The following SPAG16 variants were observed in gnomAD, a reference collection of about 807,000 sequenced individuals.
SPAG16 encodes the protein sperm-associated antigen 16 protein.
Under a neutral mutation model 80.4 loss-of-function variants are expected in SPAG16, and 86 were observed. The ratio of observed to expected loss-of-function variants is 1.07; its 90% CI spans 0.90 to 1.28. The LOEUF (loss-of-function observed/expected upper bound fraction) is 1.28, where lower values mean the gene tolerates loss of function less well. Among genes scored for constraint, SPAG16 ranks in the 50% most tolerant of loss-of-function variants. The probability of loss-of-function intolerance (pLI) is 0.00; values close to 1 mark genes in which losing one functional copy is unlikely to be tolerated. For synonymous variants in SPAG16, 294 were observed against 265.9 expected (o/e 1.11, Z -1.03); for missense variants, 870 against 765.3 (o/e 1.14, Z -1.61).
At chr2:213,596,750 C>T (rs1237677679) in intron 10 of SPAG16, among the ~76,000 whole-genome samples, 1 of 152,098 alleles carries the variant, frequency 6.6e-6, no homozygotes, top group East Asian at 1.9e-4. Context: ...TCAGTATACA[C>T]CAATTGTAGA....
intron 11 of SPAG16, among the ~76,000 whole-genome samples, chr2:213,928,893 G>A (rs779570941): frequency 2.3e-4 from 25 of 106,890 alleles, no homozygotes; most frequent in Non-Finnish European, 3.9e-4. Flanking sequence ...AAATTTTCTT[G>A]CAGCTGATGT....
chr2:214,318,926 G>A (rs113637538), intron 15 of SPAG16, among the ~76,000 whole-genome samples: 1 of 152,242 alleles, frequency 6.6e-6, no homozygotes, highest in Non-Finnish European at 1.5e-5. Flanking sequence ...GCAACTAAAA[G>A]ATGCTACCCT....
chr2:214,171,778 G>A (rs1304591441), intron 15 of SPAG16, among the ~76,000 whole-genome samples: 1 of 151,872 alleles, frequency 6.6e-6, no homozygotes, highest in Non-Finnish European at 1.5e-5. Context: ...TGATACTGGT[G>A]CATCAAGTAT....
intron 10 of SPAG16, among the ~76,000 whole-genome samples, chr2:213,793,120 G>A (rs1287276323): frequency 6.6e-6 from 1 of 151,794 alleles, no homozygotes; most frequent in Non-Finnish European, 1.5e-5. Flanking sequence ...TACAGACGGG[G>A]TTTCACCATG....
intron 10 of SPAG16, among the ~76,000 whole-genome samples, chr2:213,697,769 T>C (rs1304589126): frequency 6.6e-6 from 1 of 152,178 alleles, no homozygotes; most frequent in Non-Finnish European, 1.5e-5. Context: ...ATCCTCTCTC[T>C]TCTTTCAGGC....
At chr2:214,152,215 T>A (rs1428683733) in intron 15 of SPAG16, among the ~76,000 whole-genome samples, 4 of 152,210 alleles carry the variant, frequency 2.6e-5, no homozygotes, top group African/African-American at 9.6e-5. Context: ...ATTGCTTTTG[T>A]GGATTTATAA....
chr2:213,898,821 A>T (rs1295541452), intron 11 of SPAG16, among the ~76,000 whole-genome samples: 1 of 152,142 alleles, frequency 6.6e-6, no homozygotes, highest in East Asian at 1.9e-4. Context: ...AGACGGTCTT[A>T]CTTGTCCTGA....
At position 213,964,978 on chromosome 2, in the gene SPAG16, G is replaced by A. The variant is rs185527835; in HGVS notation, c.1400+34833G>A. Among the ~76,000 whole-genome samples, 25 of 152,100 alleles carry A rather than the reference G, an allele frequency of 1.6e-4. No homozygotes were observed. The East Asian group carries it at 4.6e-3, about 28-fold the overall frequency. The stretch of plus-strand genomic sequence containing the variant: ...CTTTGGCTGATAAGTACAATATTTG[G>A]GTCCTTTCTCTTGCCATTTTCTTTG... On this transcript the variant is annotated intron_variant, in intron 12 of 15. Coordinates refer to ENST00000331683, the MANE Select transcript of SPAG16 (RefSeq NM_024532.5).
rs577434455 is a variant in SPAG16 at position 213,592,497 on chromosome 2, T to A, written c.1070+102407T>A. Among the ~76,000 whole-genome samples, 4 of 152,240 alleles carry A rather than the reference T, an allele frequency of 2.6e-5. No homozygotes were observed. In the East Asian group the frequency reaches 5.8e-4, roughly 22 times the overall value. On this transcript the variant is annotated intron_variant, in intron 10 of 15. Transcript: ENST00000331683. ...ATTGGTTGAAAAGTGCAAGTATTTT[T>A]AAAACTAAATATATATGTTTACAAT...
At chr2:213,939,331 T>G (rs1426004359) in intron 12 of SPAG16, among the ~76,000 whole-genome samples, 1 of 152,206 alleles carries the variant, frequency 6.6e-6, no homozygotes, top group Non-Finnish European at 1.5e-5. Flanking sequence ...GAAAAAAGTG[T>G]CACTGGTTAC....
intron 12 of SPAG16, among the ~76,000 whole-genome samples, chr2:213,946,860 G>A (rs572922212): frequency 1.0e-3 from 156 of 152,092 alleles, no homozygotes; most frequent in Middle Eastern, 3.4e-3. Context: ...ATACTCTCCC[G>A]CCTACTCTTA....
intron 11 of SPAG16, among the ~76,000 whole-genome samples, chr2:213,863,274 T>C (rs1482851091): frequency 1.3e-5 from 2 of 152,164 alleles, no homozygotes; most frequent in Non-Finnish European, 1.5e-5. Flanking sequence ...ATCTGCTTCG[T>C]TCTAAAACTC....
chr2:213,914,974 A>G (rs1006414260), intron 11 of SPAG16, among the ~76,000 whole-genome samples: 1 of 152,130 alleles, frequency 6.6e-6, no homozygotes, highest in African/African-American at 2.4e-5. Flanking sequence ...GAAATACCCG[A>G]GACTAGGTAT....
At chr2:213,896,409 A>G (rs1224253041) in intron 11 of SPAG16, among the ~76,000 whole-genome samples, 1 of 151,936 alleles carries the variant, frequency 6.6e-6, no homozygotes, top group East Asian at 1.9e-4. Flanking sequence ...AAAAAATAGA[A>G]CTACATATGA....
chr2:214,081,993 A>G (rs538999169), intron 13 of SPAG16, among the ~76,000 whole-genome samples: 1 of 152,226 alleles, frequency 6.6e-6, no homozygotes, highest in South Asian at 2.1e-4. Flanking sequence ...TTCTGATTCC[A>G]CATCAAGTTC....
At chr2:213,983,951 T>A (rs1343627344) in intron 12 of SPAG16, among the ~76,000 whole-genome samples, 1 of 151,976 alleles carries the variant, frequency 6.6e-6, no homozygotes, top group Non-Finnish European at 1.5e-5. Flanking sequence ...ATCATATACA[T>A]CATACATGAA....
intron 10 of SPAG16, among the ~76,000 whole-genome samples, chr2:213,505,594 G>A (rs1054624002): frequency 5.3e-5 from 8 of 152,050 alleles, no homozygotes; most frequent in African/African-American, 7.2e-5. Flanking sequence ...ACATAATTAC[G>A]TACAACTTGT....
At chr2:214,298,053 C>T (rs1440020952) in intron 15 of SPAG16, among the ~76,000 whole-genome samples, 7 of 145,152 alleles carry the variant, frequency 4.8e-5, no homozygotes, top group Non-Finnish European at 1.1e-4. Flanking sequence ...AGCTCTTTTA[C>T]CTTCTTGGTT....
At chr2:213,935,826 A>G (rs1164140015) in intron 12 of SPAG16, among the ~76,000 whole-genome samples, 1 of 152,210 alleles carries the variant, frequency 6.6e-6, no homozygotes, top group Non-Finnish European at 1.5e-5. Flanking sequence ...ACAAATATGC[A>G]TTGAGCACTT....
Sources: gnomAD v4.1 joint callset for allele counts (sites outside exome capture counted in the v4.1 genomes callset) on GRCh38, gnomAD v4.1.1 for gene constraint, MANE v1.5 for transcripts, NCBI Gene and HGNC (gene_info 2026-07-23, HGNC 2026-07-21) for gene names.